Variants in BPGM observed in about 807,000 individuals in gnomAD.
The protein encoded by BPGM is bisphosphoglycerate mutase.
A neutral mutation model predicts 21.6 loss-of-function variants in BPGM; 15 were observed. The observed-to-expected ratio is 0.70, with a 90% CI of 0.47 to 1.07. The LOEUF (loss-of-function observed/expected upper bound fraction) is 1.07. Ranked by LOEUF, BPGM falls within the 50% of genes least tolerant of loss-of-function variation. The pLI, the probability that BPGM is intolerant of heterozygous loss-of-function variation, is 0.00. For missense variants in BPGM, 273 were observed against 319.0 expected, an observed-to-expected ratio of 0.86 and a Z score of 1.10; for synonymous variants, 113 against 116.2, an observed-to-expected ratio of 0.97 and a Z score of 0.18.
At chr7:134,665,240 G>C (rs1417156605) in intron 2 of BPGM, among the ~76,000 whole-genome samples, 1 of 152,058 alleles carries the variant, frequency 6.6e-6, no homozygotes, top group African/African-American at 2.4e-5. Context: ...AGAATACTGG[G>C]GAAAATCAAA....
At chr7:134,648,336 T>G (rs904087739) in intron 1 of BPGM, among the ~76,000 whole-genome samples, 1 of 151,716 alleles carries the variant, frequency 6.6e-6, no homozygotes. Context: ...GATTTCACCA[T>G]GTTGGCCAGG....
intron 2 of BPGM, among the ~76,000 whole-genome samples, chr7:134,668,660 G>C (rs752421141): frequency 1.1e-4 from 16 of 152,134 alleles, no homozygotes; most frequent in Non-Finnish European, 2.1e-4. Flanking sequence ...TTACTTTGCT[G>C]TTTAGTATAT....
chr7:134,661,604 G>C lies in BPGM; in HGVS notation c.97G>C (p.Glu33Gln). 5 of 1,614,184 alleles carry C rather than the reference G, an allele frequency of 3.1e-6. No homozygotes were observed. The highest frequency in any genetic ancestry group is 4.2e-6 in the Non-Finnish European group (5 of 1,180,034). Residue 33 changes from glutamate (E) to glutamine (Q), a missense_variant, in exon 2 of 3, where the codon GAA becomes CAA. Transcript: ENST00000344924. The surrounding 1 kb of genome is among the most constrained non-coding windows in gnomAD (Gnocchi z 4.6). ...CTGGGTGGATCAGAAACTCAACAGC[G>C]AAGGAATGGAGGAAGCTCGGAACTG... ...CSWVDQKLNSEGMEEARNCGK... is the reference protein window; with the variant it reads ...CSWVDQKLNSQGMEEARNCGK...
rs754851528 is a variant in BPGM at position 134,662,141 on chromosome 7, G to GATATCACA, written c.601+33_601+34insATATCACA. ...CTTTATATACCACTTATTAGAGGTTGCCAAGTGTGATATCTAGGCCTTAAT... is the reference window on the plus strand; with the variant it reads ...CTTTATATACCACTTATTAGAGGTTGATATCACACCAAGTGTGATATCTAGGCCTTAAT... On this transcript the variant is annotated intron_variant, in intron 2 of 2. Coordinates refer to ENST00000344924, the MANE Select transcript of BPGM (RefSeq NM_001724.5). The GATATCACA allele has an allele frequency of 5.6e-6, 9 of 1,612,824 alleles. No homozygotes were observed. In the East Asian group the frequency reaches 2.0e-4, roughly 36 times the overall value.
chr7:134,677,933 T>C (rs896548015), intron 2 of BPGM, among the ~76,000 whole-genome samples: 2 of 152,206 alleles, frequency 1.3e-5, no homozygotes, highest in African/African-American at 4.8e-5. Context: ...TGTGTGATAA[T>C]TGTTTACTTA....
Position 134,661,885 on chromosome 7 carries a change from TGAG to T in BPGM, c.382_384del (p.Glu128del), listed in dbSNP as rs767426687. The T allele has an allele frequency of 6.2e-7, 1 of 1,609,026 alleles. No homozygotes were observed. Among genetic ancestry groups the T allele is most frequent in the South Asian group, 1.1e-5 (1 of 90,776 alleles). On this transcript the variant is annotated inframe_deletion, in exon 2 of 3. Transcript: ENST00000344924. This position sits in a 1 kb window ranked among gnomAD's most constrained non-coding sequence, Gnocchi z 4.6. ...GCTACAATGTAACCCCGCCTCCCAT[TGAG>T]GAGTCTCATCCTTACTACCAAGAAA...
intron 2 of BPGM, among the ~76,000 whole-genome samples, chr7:134,676,337 T>A (rs1056701976): frequency 6.6e-6 from 1 of 152,238 alleles, no homozygotes; most frequent in Non-Finnish European, 1.5e-5. Flanking sequence ...GATAGATATA[T>A]ACACTCATAG....
At chr7:134,663,376 GTGTGTGTGTT>G (rs1795766497) in intron 2 of BPGM, among the ~76,000 whole-genome samples, 2 of 151,866 alleles carry the variant, frequency 1.3e-5, no homozygotes, top group South Asian at 2.1e-4. Flanking sequence ...ATATGTGTGT[GTGTGTGTGTT>G]TGTGTGTGTG....
intron 1 of BPGM, among the ~76,000 whole-genome samples, chr7:134,653,583 T>A (rs1267748737): frequency 6.6e-6 from 1 of 152,198 alleles, no homozygotes; most frequent in Non-Finnish European, 1.5e-5. Flanking sequence ...TTCTTATCTT[T>A]CTAGGCTAGT....
At chr7:134,655,830 C>T (rs1171618057) in intron 1 of BPGM, among the ~76,000 whole-genome samples, 4 of 152,164 alleles carry the variant, frequency 2.6e-5, no homozygotes, top group Admixed American at 6.5e-5. Flanking sequence ...ATGTGCCAAG[C>T]GATGTGCTAG....
intron 1 of BPGM, chr7:134,658,603 A>T (rs1044067353): frequency 6.6e-6 from 1 of 152,236 alleles, no homozygotes; most frequent in African/African-American, 2.4e-5. Flanking sequence ...AACACTGGGT[A>T]AATCAGCTCC....
In BPGM at chr7:134,646,869, C is replaced by A; in HGVS notation, c.-130C>A. The A allele has an allele frequency of 5.4e-6, 1 of 184,720 alleles. No individual in the cohort carries two copies. Among genetic ancestry groups the A allele is most frequent in the South Asian group, 7.8e-5 (1 of 12,870 alleles). The allele number at this position is 184,720 out of a possible 1,614,324, so 11.4% of individuals were successfully genotyped here. A position where few individuals can be genotyped will look rare whatever the true frequency, so the allele number is the denominator to read the frequency against. On this transcript the variant is annotated 5_prime_UTR_variant, in exon 1 of 3. Transcript: ENST00000344924. ...GGCGGCAGTGATGAGTCCTAGGAGG[C>A]GCTGGCTCTTTGGCGGCTCGGAGGA... is the stretch of plus-strand genomic sequence containing the variant.
chr7:134,671,945 C>T (rs1228487355), intron 2 of BPGM, among the ~76,000 whole-genome samples: 3 of 152,130 alleles, frequency 2.0e-5, no homozygotes, highest in South Asian at 2.1e-4. Context: ...TGCACAAGCA[C>T]CTCTACCAGG....
At chr7:134,655,560 G>GAA (rs1183295438) in intron 1 of BPGM, among the ~76,000 whole-genome samples, 2 of 152,158 alleles carry the variant, frequency 1.3e-5, no homozygotes, top group Non-Finnish European at 2.9e-5. Flanking sequence ...TTTCTGTGGA[G>GAA]ATTATGGCCA....
rs773454594 is a variant in BPGM, at chr7:134,679,000, A to T, written c.749A>T (p.Asp250Val). ...CAAGCAGCCATTAAGAAAGTAGAAG[A>T]TCAAGGAAAAGTGAAACAAGCTAAA... is the stretch of plus-strand genomic sequence containing the variant. Reference protein sequence around the residue: ...AIQAAIKKVEDQGKVKQAKK With the variant: ...AIQAAIKKVEVQGKVKQAKK The change falls in exon 3 of 3, where the codon GAT becomes GTT. Residue 250 changes from aspartate (D) to valine (V), a missense_variant. By Grantham distance (152) the Asp-to-Val change is radical (BLOSUM62 -3). Transcript: ENST00000344924. The T allele has an allele frequency of 6.2e-7, 1 of 1,614,198 alleles. No homozygotes were observed. The highest frequency in any genetic ancestry group is 1.3e-5 in the African/African-American group (1 of 75,064).
intron 1 of BPGM, among the ~76,000 whole-genome samples, chr7:134,654,210 A>G (rs1348677513): frequency 6.6e-6 from 1 of 152,184 alleles, no homozygotes; most frequent in Non-Finnish European, 1.5e-5. Context: ...GCATTGGGCC[A>G]TGCCTAAATG....
chr7:134,659,649 C>T (rs1795699455), intron 1 of BPGM, among the ~76,000 whole-genome samples: 1 of 152,192 alleles, frequency 6.6e-6, no homozygotes, highest in Admixed American at 6.5e-5. Context: ...TGAGCCCAGG[C>T]TCTTCTGGTT....
At chr7:134,649,174 GTT>G (rs200013019) in intron 1 of BPGM, among the ~76,000 whole-genome samples, 1 of 150,470 alleles carries the variant, frequency 6.6e-6, no homozygotes, top group Admixed American at 6.6e-5. Flanking sequence ...CAATTAAATT[GTT>G]TTTTTTTTTA....
chr7:134,675,185 T>G (rs1795965897), intron 2 of BPGM, among the ~76,000 whole-genome samples: 1 of 152,162 alleles, frequency 6.6e-6, no homozygotes, highest in South Asian at 2.1e-4. Flanking sequence ...TATACAAATT[T>G]TTCTCCCATT....
Sources: gnomAD v4.1 joint callset for allele counts (sites outside exome capture counted in the v4.1 genomes callset) on GRCh38, gnomAD v4.1.1 for gene constraint, Gnocchi (gnomAD v3.1) non-coding constraint, MANE v1.5 for transcripts, NCBI Gene and HGNC (gene_info 2026-07-23, HGNC 2026-07-21) for gene names.